The following DCAF12 variants were observed in gnomAD, a reference collection of about 807,000 sequenced individuals.
The protein encoded by DCAF12 is DDB1- and CUL4-associated factor 12.
Under a neutral mutation model 52.8 loss-of-function variants are expected in DCAF12, and 28 were observed. The ratio of observed to expected loss-of-function variants is 0.53; its 90% CI spans 0.39 to 0.73. The LOEUF is 0.73. DCAF12 is among the 30% of genes least tolerant of loss of function. The pLI is 0.00. For synonymous variants in DCAF12, 196 were observed against 215.5 expected (o/e 0.91, Z 0.79); for missense variants, 425 against 552.2 (o/e 0.77, Z 2.31).
intron 2 of DCAF12, among the ~76,000 whole-genome samples, chr9:34,108,943 T>C (rs1828951987): frequency 6.7e-6 from 1 of 148,934 alleles, no homozygotes; most frequent in South Asian, 2.1e-4. Flanking sequence ...AGCAAGACCC[T>C]ATCTCAAACA....
intron 2 of DCAF12, among the ~76,000 whole-genome samples, chr9:34,121,150 T>C (rs1337767256): frequency 1.3e-5 from 2 of 151,954 alleles, no homozygotes; most frequent in African/African-American, 4.8e-5. Flanking sequence ...CGAGACTCCA[T>C]CTCAAAAAAC....
At chr9:34,112,680 T>C (rs1464978934) in intron 2 of DCAF12, among the ~76,000 whole-genome samples, 2 of 151,564 alleles carry the variant, frequency 1.3e-5, no homozygotes, top group Non-Finnish European at 2.9e-5. Context: ...GGGCGGATCA[T>C]CTGAGGTTGG....
intron 2 of DCAF12, 150 bp from the exon 3 acceptor site, chr9:34,107,715 T>C (rs1828927329): frequency 1.5e-6 from 1 of 659,512 alleles, no homozygotes; most frequent in African/African-American, 1.8e-5. Flanking sequence ...TGGTCAGGAC[T>C]ACTAATGACA....
chr9:34,092,342 T>C (rs1038773503), intron 7 of DCAF12, among the ~76,000 whole-genome samples: 3 of 152,182 alleles, frequency 2.0e-5, no homozygotes, highest in African/African-American at 4.8e-5. Flanking sequence ...TTAGCATAAA[T>C]AGAATTTTAG....
chr9:34,089,305 C>A, intron 8 of DCAF12, 107 bp downstream of exon 8: 2 of 1,271,954 alleles, frequency 1.6e-6, no homozygotes, highest in Non-Finnish European at 1.1e-6. Context: ...GTGCCTCTTA[C>A]TAGTGAAAAA....
At chr9:34,094,564 A>G (rs1208416082) in intron 6 of DCAF12, among the ~76,000 whole-genome samples, 1 of 137,998 alleles carries the variant, frequency 7.2e-6, no homozygotes, top group Admixed American at 7.9e-5. Context: ...GGAGTCTCGC[A>G]CTGTCGCCCA....
chr9:34,104,354 G>A (rs180741662), intron 4 of DCAF12, among the ~76,000 whole-genome samples: 1 of 152,036 alleles, frequency 6.6e-6, no homozygotes, highest in African/African-American at 2.4e-5. Flanking sequence ...ACAGAGACAA[G>A]GGCACATCTG....
At chr9:34,111,086 A>G (rs996566567) in intron 2 of DCAF12, among the ~76,000 whole-genome samples, 11 of 151,190 alleles carry the variant, frequency 7.3e-5, no homozygotes, top group Admixed American at 3.3e-4. Flanking sequence ...CCTGGGTTCA[A>G]GCAATTCTCC....
At position 34,095,371 on chromosome 9, in the gene DCAF12, C is replaced by A. The variant is rs540022313; in HGVS notation, c.861+1345G>T. 6.1e-5 allele frequency among the ~76,000 whole-genome samples: 7 copies of A among 115,208 alleles called. No individual in the cohort carries two copies. The South Asian group carries it at 9.0e-4, about 15-fold the overall frequency. The allele number at this position is 115,208 out of a possible 152,430, so 75.6% of individuals were successfully genotyped here. On this transcript the variant is annotated intron_variant, in intron 6 of 8. Coordinates refer to ENST00000361264, the MANE Select transcript of DCAF12 (RefSeq NM_015397.4). ...TATAGGCGTGAACCACCGCGCCAGG[C>A]CTTTTTTTTTTTTTTTTTTTTTTTT...
At chr9:34,118,515 T>C (rs1427730257) in intron 2 of DCAF12, among the ~76,000 whole-genome samples, 2 of 152,194 alleles carry the variant, frequency 1.3e-5, no homozygotes, top group South Asian at 2.1e-4. Flanking sequence ...CAGGAAACTT[T>C]CAGGTTTTTG....
At position 34,093,638 on chromosome 9, in the gene DCAF12, G is replaced by A. The variant is rs891393195; in HGVS notation, c.862-190C>T. On this transcript the variant is annotated intron_variant, in intron 6 of 8. Coordinates refer to ENST00000361264, the MANE Select transcript of DCAF12 (RefSeq NM_015397.4). ...AAAGAGGAGGTGAATGTTAATAAAC[G>A]GTAAGACCTAGATACTGAAGGAGAT... The A allele has an allele frequency of 6.2e-5, 36 of 583,790 alleles. 2 individuals carry two copies. The highest frequency in any genetic ancestry group is 5.7e-4 in the South Asian group (27 of 47,186). 36.2% of individuals were successfully genotyped at this position (583,790 alleles called of 1,614,324 possible). A position where few individuals can be genotyped will look rare whatever the true frequency, so the allele number is the denominator to read the frequency against.
At chr9:34,094,902 A>T (rs1357876624) in intron 6 of DCAF12, among the ~76,000 whole-genome samples, 1 of 152,152 alleles carries the variant, frequency 6.6e-6, no homozygotes, top group Non-Finnish European at 1.5e-5. Flanking sequence ...CACAAAATTC[A>T]TTTATGTTTC....
chr9:34,091,691 T>C (rs1233498485), intron 7 of DCAF12, among the ~76,000 whole-genome samples: 1 of 150,592 alleles, frequency 6.6e-6, no homozygotes, highest in East Asian at 1.9e-4. Context: ...AAAGCTACTT[T>C]GCAGTATCTG....
At chr9:34,112,615 T>C (rs1394081984) in intron 2 of DCAF12, among the ~76,000 whole-genome samples, 2 of 147,486 alleles carry the variant, frequency 1.4e-5, no homozygotes, top group Non-Finnish European at 1.5e-5. Flanking sequence ...ATAAAAAATA[T>C]TGGCTGGGTG....
In DCAF12 at chr9:34,126,379, GCTC is replaced by G; in HGVS notation, c.50_52del (p.Gly17del). On this transcript the variant is annotated inframe_deletion, in exon 1 of 9. Transcript: ENST00000361264. ...CTGCGGGCCCTGAGCGTCGCTCCCA[GCTC>G]CCGGCGAGGCGGGCGCTTTCCGCTT... 6.2e-7 allele frequency: 1 copy of G among 1,612,122 alleles called. No individual in the cohort carries two copies. Among genetic ancestry groups the G allele is most frequent in the Non-Finnish European group, 8.5e-7 (1 of 1,179,804 alleles).
intron 7 of DCAF12, 33 bp from the exon 8 acceptor site, chr9:34,089,623 G>A (rs948002800): frequency 1.8e-5 from 28 of 1,562,710 alleles, no homozygotes; most frequent in South Asian, 4.7e-5. Flanking sequence ...GCAGTGAGGC[G>A]GGAGAGAATA....
At chr9:34,098,004 GAA>G (rs1828764166) in intron 5 of DCAF12, among the ~76,000 whole-genome samples, 4 of 151,936 alleles carry the variant, frequency 2.6e-5, no homozygotes, top group African/African-American at 9.6e-5. Flanking sequence ...AAGCAAGTAT[GAA>G]AATCATGCCC....
chr9:34,108,813 AT>A (rs1828949388), intron 2 of DCAF12, among the ~76,000 whole-genome samples: 1 of 114,880 alleles, frequency 8.7e-6, no homozygotes, highest in Non-Finnish European at 2.1e-5. Flanking sequence ...AAATAAATAA[AT>A]ATATATATAT....
chr9:34,122,888 C>T (rs72731224), intron 2 of DCAF12, among the ~76,000 whole-genome samples: 16,186 of 152,246 alleles, frequency 0.11, 1,024 homozygotes, highest in Non-Finnish European at 0.13. Flanking sequence ...TACTGTCTTG[C>T]GCCTAGCAAA....
Sources: gnomAD v4.1 joint callset for allele counts (sites outside exome capture counted in the v4.1 genomes callset) on GRCh38, gnomAD v4.1.1 for gene constraint, MANE v1.5 for transcripts, NCBI Gene and HGNC (gene_info 2026-07-23, HGNC 2026-07-21) for gene names.